MYO16: variants seen among roughly 807,000 people sequenced by gnomAD.
MYO16 encodes unconventional myosin-XVI.
In MYO16, 94 loss-of-function variants were observed where a neutral mutation model predicts 205.3. That is an observed-to-expected ratio of 0.46 (90% CI 0.39 to 0.54). The LOEUF (loss-of-function observed/expected upper bound fraction) is 0.54, where lower values mean the gene tolerates loss of function less well. Ranked by LOEUF, MYO16 falls within the 20% of genes least tolerant of loss-of-function variation. The pLI is 0.00. For missense variants in MYO16, 2,315 were observed against 2,387.5 expected, an observed-to-expected ratio of 0.97 and a Z score of 0.63; for synonymous variants, 988 against 954.0, an observed-to-expected ratio of 1.04 and a Z score of -0.66.
chr13:108,742,941 T>C (rs1015047193), intron 4 of MYO16, among the ~76,000 whole-genome samples: 49 of 152,340 alleles, frequency 3.2e-4, no homozygotes, highest in African/African-American at 1.1e-3. Flanking sequence ...TCTTTTCTGA[T>C]ACGATTTTAG....
chr13:109,140,324 G>C lies in MYO16; in HGVS notation c.4112G>C (p.Arg1371Pro). Residue 1371 changes from arginine (R) to proline (P), a missense_variant, in exon 32 of 35, where the codon CGA becomes CCA. Arg to Pro is a moderately radical substitution (Grantham distance 103, BLOSUM62 -2). This residue lies in a region of MYO16 where 1,097 missense variants were observed against 1,092.0 expected (regional missense o/e 1.00). Transcript: ENST00000457511. This position sits in a 1 kb window ranked among gnomAD's most constrained non-coding sequence, Gnocchi z 8.0. ...AGCACCATGAAGAAGATTCCTCCTC[G>C]AAAGCCCAAGCGCAGCCCCAACACC... ...DYSTMKKIPP[R>P]KPKRSPNTKL... 1 of 1,602,940 alleles carries C rather than the reference G, an allele frequency of 6.2e-7. No individual in the cohort carries two copies. The highest frequency in any genetic ancestry group is 8.5e-7 in the Non-Finnish European group (1 of 1,179,378).
In MYO16 at chr13:108,888,509, G is replaced by C. The variant is rs769796891; in HGVS notation, c.1659+32G>C. 11 of 1,463,020 alleles carry C rather than the reference G, an allele frequency of 7.5e-6. No individual in the cohort carries two copies. The African/African-American group carries it at 1.4e-4, about 19-fold the overall frequency. 90.6% of individuals were successfully genotyped at this position (1,463,020 alleles called of 1,614,324 possible). ...TTTTTGTTTGGGTTGGCAAATATGT[G>C]AATGAAGATGTTCAGCCAGTTGTCA... On this transcript the variant is annotated intron_variant, in intron 14 of 34. Transcript: ENST00000457511.
chr13:108,999,936 T>C (rs1388254602), intron 21 of MYO16, among the ~76,000 whole-genome samples: 1 of 152,210 alleles, frequency 6.6e-6, no homozygotes, highest in Admixed American at 6.5e-5. Flanking sequence ...CAATAAACTC[T>C]TCGTAAATTT....
chr13:108,635,647 C>A (rs761597750), intron 1 of MYO16, among the ~76,000 whole-genome samples: 1 of 151,772 alleles, frequency 6.6e-6, no homozygotes, highest in Non-Finnish European at 1.5e-5. Flanking sequence ...ACTACGGGTG[C>A]GTGCCACCAC....
In MYO16 at chr13:109,103,867, C is replaced by T. The variant is rs150030997; in HGVS notation, c.3438+2980C>T. On this transcript the variant is annotated intron_variant, in intron 28 of 34. Coordinates refer to ENST00000457511, the MANE Select transcript of MYO16 (RefSeq NM_001198950.3). ...CTTTAGGTAGTCACAGGTTTGTAGT[C>T]GCACATGAGGTACTGGAATTTTTAG... Among the ~76,000 whole-genome samples the T allele has an allele frequency of 5.3e-5, 8 of 152,170 alleles. No individual in the cohort carries two copies. The East Asian group carries it at 1.5e-3, about 29-fold the overall frequency.
intron 21 of MYO16, among the ~76,000 whole-genome samples, chr13:109,002,035 A>G (rs888139299): frequency 6.6e-6 from 1 of 152,154 alleles, no homozygotes; most frequent in African/African-American, 2.4e-5. Context: ...TCTCAGTTCT[A>G]TGATCTATCT....
chr13:108,679,282 C>T (rs1882359093), intron 2 of MYO16, among the ~76,000 whole-genome samples: 2 of 152,194 alleles, frequency 1.3e-5, no homozygotes, highest in Non-Finnish European at 2.9e-5. Flanking sequence ...CAACCCAACC[C>T]TCTCACTGTC....
chr13:108,867,231 T>C (rs1195556278), intron 12 of MYO16, among the ~76,000 whole-genome samples: 1 of 151,814 alleles, frequency 6.6e-6, no homozygotes, highest in Admixed American at 6.6e-5. Flanking sequence ...CCAGCTGTGG[T>C]GGTGTGTGCC....
At position 109,162,782 on chromosome 13, in the gene MYO16, C is replaced by T. The variant is rs1878447095; in HGVS notation, c.5165-2119C>T. Among the ~76,000 whole-genome samples, 2 of 152,066 alleles carry T rather than the reference C, an allele frequency of 1.3e-5. No homozygotes were observed. Among genetic ancestry groups the T allele is most frequent in the African/African-American group, 4.8e-5 (2 of 41,406 alleles). ...AAAATAGGTGAAAGCAACATAAAAG[C>T]AGGTGAGTACATCTTGAGCCAGTTT... On this transcript the variant is annotated intron_variant, in intron 32 of 34. Transcript: ENST00000457511. The surrounding 1 kb of genome is among the most constrained non-coding windows in gnomAD (Gnocchi z 4.6).
At chr13:108,802,207 A>C (rs958030118) in intron 6 of MYO16, among the ~76,000 whole-genome samples, 8 of 152,084 alleles carry the variant, frequency 5.3e-5, no homozygotes, top group African/African-American at 1.9e-4. Flanking sequence ...GTCTAGTTGA[A>C]ACTTCGAACC....
chr13:108,874,464 C>G (rs970347211), intron 12 of MYO16, among the ~76,000 whole-genome samples: 6 of 152,068 alleles, frequency 3.9e-5, no homozygotes, highest in African/African-American at 1.4e-4. Context: ...CCTCAAATGG[C>G]TTTACATTTA....
intron 15 of MYO16, among the ~76,000 whole-genome samples, chr13:108,901,134 A>G (rs1265083799): frequency 6.6e-6 from 1 of 152,142 alleles, no homozygotes; most frequent in Non-Finnish European, 1.5e-5. Flanking sequence ...TATCAATGAC[A>G]ATGGGTGCCC....
intron 7 of MYO16, among the ~76,000 whole-genome samples, chr13:108,818,076 A>G (rs1875735103): frequency 1.3e-5 from 2 of 152,154 alleles, no homozygotes; most frequent in African/African-American, 2.4e-5. Context: ...TACAACTTAC[A>G]AAGTTTTTAA....
chr13:108,727,335 C>A (rs751988832), intron 3 of MYO16, 105 bp from the exon 4 acceptor site: 1 of 1,233,046 alleles, frequency 8.1e-7, no homozygotes, highest in Non-Finnish European at 1.1e-6. Flanking sequence ...CACCTCTCAA[C>A]TCCCAAAATT....
At chr13:108,663,378 G>T (rs1295677992) in intron 1 of MYO16, among the ~76,000 whole-genome samples, 2 of 151,650 alleles carry the variant, frequency 1.3e-5, no homozygotes, top group South Asian at 4.2e-4. Flanking sequence ...ATACGTACAT[G>T]ACACAGCTGA....
chr13:108,526,870 C>T, the MYO16 span, among the ~76,000 whole-genome samples: 1 of 152,140 alleles, frequency 6.6e-6, no homozygotes, highest in Non-Finnish European at 1.5e-5. Flanking sequence ...TATGCAGAAG[C>T]AGAGTACTGT....
At chr13:108,630,910 G>A (rs1566515338) in intron 1 of MYO16, among the ~76,000 whole-genome samples, 2 of 152,158 alleles carry the variant, frequency 1.3e-5, no homozygotes, top group South Asian at 4.1e-4. Context: ...AAATAAAAAT[G>A]CCTTACTCTT....
At chr13:108,981,215 G>T (rs1484451270) in intron 20 of MYO16, among the ~76,000 whole-genome samples, 1 of 152,120 alleles carries the variant, frequency 6.6e-6, no homozygotes, top group Non-Finnish European at 1.5e-5. Flanking sequence ...TTTCTCTCTG[G>T]ATCTCCAGCA....
chr13:108,882,984 C>G, intron 12 of MYO16, 75 bp from the exon 13 acceptor site: 2 of 1,556,962 alleles, frequency 1.3e-6, no homozygotes, highest in South Asian at 1.2e-5. Context: ...GGACAGAAGT[C>G]ACTCTCATTA....
Sources: gnomAD v4.1 joint callset for allele counts (sites outside exome capture counted in the v4.1 genomes callset) on GRCh38, gnomAD v4.1.1 for gene constraint, gnomAD v4.1.1 regional missense constraint, Gnocchi (gnomAD v3.1) non-coding constraint, MANE v1.5 for transcripts, NCBI Gene and HGNC (gene_info 2026-07-23, HGNC 2026-07-21) for gene names.